PLXDC1: variants seen among roughly 807,000 people sequenced by gnomAD.
PLXDC1 encodes the protein plexin domain-containing protein 1.
Under a neutral mutation model 61.3 loss-of-function variants are expected in PLXDC1, and 39 were observed. The ratio of observed to expected loss-of-function variants is 0.64; its 90% confidence interval spans 0.49 to 0.83. The LOEUF (loss-of-function observed/expected upper bound fraction) is 0.83. Ranked by LOEUF, PLXDC1 falls within the 40% of genes least tolerant of loss-of-function variation. The pLI is 0.00. For synonymous variants in PLXDC1, 212 were observed against 254.5 expected, an observed-to-expected ratio of 0.83 and a Z score of 1.59; for missense variants, 596 against 666.5, an observed-to-expected ratio of 0.89 and a Z score of 1.17.
chr17:39,152,539 G>A (rs3025194), upstream of PLXDC1: 30,496 of 1,244,410 alleles, frequency 0.025, 404 homozygotes, highest in South Asian at 0.031. Context: ...TCCCTCCCCT[G>A]ACCTACTTCG....
At chr17:39,109,503 C>T in intron 2 of PLXDC1, 112 bp from the exon 3 acceptor site, 3 of 1,319,820 alleles carry the variant, frequency 2.3e-6, no homozygotes, top group Non-Finnish European at 3.1e-6. Flanking sequence ...ACCACCCTCC[C>T]AGGGTGCTGG....
At chr17:39,068,641 T>C (rs12452300) in intron 13 of PLXDC1, among the ~76,000 whole-genome samples, 40,986 of 152,210 alleles carry the variant, frequency 0.27, 6,380 homozygotes, top group East Asian at 0.43. Context: ...TGTGCCACTG[T>C]ACTCCAGCCT....
At chr17:39,137,344 C>T (rs1316243291) in intron 2 of PLXDC1, 5 of 152,226 alleles carry the variant, frequency 3.3e-5, no homozygotes, top group African/African-American at 1.2e-4. Context: ...CACTTGAAGT[C>T]AGGAGTTTGA....
intron 2 of PLXDC1, among the ~76,000 whole-genome samples, chr17:39,110,082 C>T (rs1910744889): frequency 6.6e-6 from 1 of 151,922 alleles, no homozygotes; most frequent in Admixed American, 6.6e-5. Context: ...GCCGAGATCG[C>T]GCCACTGCAC....
At chr17:39,143,855 A>C (rs1052210305) in intron 1 of PLXDC1, among the ~76,000 whole-genome samples, 2 of 151,998 alleles carry the variant, frequency 1.3e-5, no homozygotes, top group Non-Finnish European at 2.9e-5. Context: ...CAGCCTGCCC[A>C]CTGCCCAGGC....
intron 7 of PLXDC1, among the ~76,000 whole-genome samples, chr17:39,089,947 A>C (rs1377343309): frequency 6.6e-6 from 1 of 151,960 alleles, no homozygotes; most frequent in South Asian, 2.1e-4. Flanking sequence ...ACAGGTGCCC[A>C]CCACCACACC....
In PLXDC1 at chr17:39,079,106, C is replaced by A. The variant is rs757520633; in HGVS notation, c.1048G>T (p.Glu350Ter). 6.2e-7 allele frequency: 1 copy of A among 1,613,478 alleles called. No homozygotes were observed. Among genetic ancestry groups the A allele is most frequent in the Non-Finnish European group, 8.5e-7 (1 of 1,179,508 alleles). ...QEWMDYGCAQ[E>*]AEGRMCEDFQ... Reference sequence around the variant, plus strand: ...CAGCAGATACTTATGCTTCTCACCTCCTGTGCACAGCCATAGTCCATCCAC... The same window carrying A: ...CAGCAGATACTTATGCTTCTCACCTACTGTGCACAGCCATAGTCCATCCAC... The change falls in exon 10 of 14, where the codon GAG (glutamate) becomes TAG (stop). Residue 350 changes from glutamate (E) to a stop codon, truncating the protein, a stop_gained and splice_region_variant. Coordinates refer to ENST00000315392, the MANE Select transcript of PLXDC1 (RefSeq NM_020405.5). LOFTEE classifies it high-confidence loss of function.
At chr17:39,117,051 G>A (rs1272150035) in intron 2 of PLXDC1, among the ~76,000 whole-genome samples, 1 of 152,244 alleles carries the variant, frequency 6.6e-6, no homozygotes, top group East Asian at 1.9e-4. Context: ...TGACATCAGG[G>A]TTGACGGGGA....
In PLXDC1 at chr17:39,064,119, A is replaced by T. The variant is rs12603439; in HGVS notation, c.*3721T>A. ...TGCTCAAAACATTAAACAAGGCTGTATACAAACACACACACAAACATACAC... is the reference window on the plus strand; with the variant it reads ...TGCTCAAAACATTAAACAAGGCTGTTTACAAACACACACACAAACATACAC... On this transcript the variant is annotated 3_prime_UTR_variant, in exon 14 of 14. Transcript: ENST00000315392. The T allele has an allele frequency of 0.27, 41,027 of 153,528 alleles. 6,355 individuals carry two copies. Among genetic ancestry groups the T allele is most frequent in the East Asian group, 0.43 (2,227 of 5,176 alleles). The allele number at this position is 153,528 out of a possible 1,614,324, so 9.5% of individuals were successfully genotyped here.
intron 2 of PLXDC1, among the ~76,000 whole-genome samples, chr17:39,134,114 C>T (rs983049145): frequency 1.3e-5 from 2 of 151,938 alleles, no homozygotes; most frequent in South Asian, 2.1e-4. Context: ...AATAGCCGGG[C>T]GTGGTGGCAG....
chr17:39,132,861 GT>G (rs1911610305), intron 2 of PLXDC1, among the ~76,000 whole-genome samples: 1 of 152,166 alleles, frequency 6.6e-6, no homozygotes, highest in Admixed American at 6.5e-5. Context: ...CCAGCCCTCA[GT>G]CCCTTGATAT....
chr17:39,063,440 G>A lies in PLXDC1; in HGVS notation c.*4400C>T. On this transcript the variant is annotated 3_prime_UTR_variant, in exon 14 of 14. Transcript: ENST00000315392. Reference sequence around the variant, plus strand: ...TTTTTAGGCTGTTTCTCTTGGAGGTGGTGCAGGAGGTTGAGGAAAGCACCT... The same window carrying A: ...TTTTTAGGCTGTTTCTCTTGGAGGTAGTGCAGGAGGTTGAGGAAAGCACCT... 1 of 702,624 alleles carries A rather than the reference G, an allele frequency of 1.4e-6. No homozygotes were observed. The allele number at this position is 702,624 out of a possible 1,614,324, so 43.5% of individuals were successfully genotyped here. A position where few individuals can be genotyped will look rare whatever the true frequency, so the allele number is the denominator to read the frequency against.
At position 39,079,119 on chromosome 17, in the gene PLXDC1, A is replaced by G. The variant is rs1165563228; in HGVS notation, c.1035T>C (p.Tyr345=). ...FDRYRQEWMD[Y]GCAQEAEGRM... ...TGCTTCTCACCTCCTGTGCACAGCC[A>G]TAGTCCATCCACTCCTGGCGATAGC... The change falls in exon 10 of 14, where the codon TAT becomes TAC. Residue 345 remains tyrosine, a synonymous_variant. Transcript: ENST00000315392. 1 of 1,613,856 alleles carries G rather than the reference A, an allele frequency of 6.2e-7. No individual in the cohort carries two copies. Among genetic ancestry groups the G allele is most frequent in the South Asian group, 1.1e-5 (1 of 91,076 alleles).
chr17:39,128,093 A>ATATATATATATATATACATATATATG (rs1567769481), intron 2 of PLXDC1, among the ~76,000 whole-genome samples: 35 of 58,096 alleles, frequency 6.0e-4, no homozygotes, highest in Non-Finnish European at 8.1e-4. Context: ...CTCTCTCTCT[A>ATATATATATATATATACATATATATG]TGTGTATATA....
intron 7 of PLXDC1, among the ~76,000 whole-genome samples, chr17:39,102,736 A>ACACACACACACACACACG (rs1161304457): frequency 2.4e-5 from 3 of 125,426 alleles, no homozygotes; most frequent in African/African-American, 1.1e-4. Context: ...ACACACACAC[A>ACACACACACACACACACG]CACACTCACT....
intron 9 of PLXDC1, chr17:39,079,414 G>A (rs752082993): frequency 3.9e-5 from 22 of 559,754 alleles, no homozygotes; most frequent in South Asian, 3.2e-4. Flanking sequence ...GTAGGGGCTA[G>A]CAGGACTGCA....
intron 7 of PLXDC1, among the ~76,000 whole-genome samples, chr17:39,096,130 AAG>A (rs923828846): frequency 6.6e-6 from 1 of 152,172 alleles, no homozygotes; most frequent in Non-Finnish European, 1.5e-5. Flanking sequence ...AAAAAAATCT[AAG>A]AGGTTGGGTT....
chr17:39,105,199 A>C (rs1910551499), intron 7 of PLXDC1, among the ~76,000 whole-genome samples: 1 of 152,180 alleles, frequency 6.6e-6, no homozygotes, highest in South Asian at 2.1e-4. Flanking sequence ...AGTCTCTGAG[A>C]CAAGGGTCTA....
In PLXDC1 at chr17:39,139,719, T is replaced by G. The variant is rs1911871483; in HGVS notation, c.190A>C (p.Ser64Arg). Reference protein sequence around the residue: ...HVSEPDRTQLSQDLGGGTLAM... With the variant: ...HVSEPDRTQLRQDLGGGTLAM... The stretch of plus-strand genomic sequence containing the variant: ...AGGGTGCCCCCACCCAGGTCCTGGC[T>G]CAGCTGGGTCCTGTCCGGCTCTGAC... Residue 64 changes from serine (S) to arginine (R), a missense_variant, in exon 2 of 14, where the codon AGC becomes CGC. Coordinates refer to ENST00000315392, the MANE Select transcript of PLXDC1 (RefSeq NM_020405.5). The G allele has an allele frequency of 1.2e-6, 2 of 1,613,658 alleles. No individual in the cohort carries two copies. The highest frequency in any genetic ancestry group is 1.7e-6 in the Non-Finnish European group (2 of 1,179,980).
Sources: allele counts gnomAD v4.1 joint callset (sites outside exome capture counted in the v4.1 genomes callset), GRCh38; gene constraint gnomAD v4.1.1; transcripts MANE v1.5; gene names NCBI Gene and HGNC (gene_info 2026-07-23, HGNC 2026-07-21).